Variants in TTC39B observed in about 807,000 individuals in gnomAD.
The protein encoded by TTC39B is tetratricopeptide repeat protein 39B.
Under a neutral mutation model 96.6 loss-of-function variants are expected in TTC39B, and 92 were observed. The observed-to-expected ratio is 0.95, with a 90% CI of 0.80 to 1.13. TTC39B has a LOEUF of 1.13. Among genes scored for constraint, TTC39B ranks in the 50% most tolerant of loss-of-function variants. The probability of loss-of-function intolerance (pLI) is 0.00; values close to 1 mark genes in which losing one functional copy is unlikely to be tolerated. For synonymous variants in TTC39B, 367 were observed against 299.4 expected, an observed-to-expected ratio of 1.23 and a Z score of -2.33; for missense variants, 955 against 809.3, an observed-to-expected ratio of 1.18 and a Z score of -2.18.
At chr9:15,298,783 G>C (rs1240745550) in intron 1 of TTC39B, among the ~76,000 whole-genome samples, 1 of 152,018 alleles carries the variant, frequency 6.6e-6, no homozygotes, top group South Asian at 2.1e-4. Context: ...CATTTCTCTG[G>C]AGAACTAACA....
intron 2 of TTC39B, among the ~76,000 whole-genome samples, chr9:15,245,541 G>T (rs1204558411): frequency 6.6e-6 from 1 of 152,094 alleles, no homozygotes; most frequent in African/African-American, 2.4e-5. Flanking sequence ...ATATTAAGGA[G>T]GGGTGATGGC....
chr9:15,212,681 C>A (rs1000597437), intron 4 of TTC39B, among the ~76,000 whole-genome samples: 3 of 152,204 alleles, frequency 2.0e-5, no homozygotes, highest in African/African-American at 7.2e-5. Flanking sequence ...TCTGCCTCGG[C>A]CTCCCAAAGT....
At chr9:15,290,938 T>G (rs1217457178) in intron 1 of TTC39B, among the ~76,000 whole-genome samples, 2 of 152,204 alleles carry the variant, frequency 1.3e-5, no homozygotes, top group African/African-American at 4.8e-5. Flanking sequence ...TCTCAGACAT[T>G]TTTTGGGTTA....
At chr9:15,239,383 G>A (rs1821933176) in intron 2 of TTC39B, among the ~76,000 whole-genome samples, 2 of 152,164 alleles carry the variant, frequency 1.3e-5, no homozygotes, top group African/African-American at 4.8e-5. Context: ...TAAAAATAGT[G>A]CTACCATTTG....
At position 15,214,250 on chromosome 9, in the gene TTC39B, C is replaced by T. The variant is rs776363688; in HGVS notation, c.372-1G>A. On this transcript the variant is annotated splice_acceptor_variant, in intron 3 of 19. Coordinates refer to ENST00000512701, the Ensembl canonical transcript of TTC39B. LOFTEE classifies it high-confidence loss of function. ...GAGATCCACCTTGGTTGATGATGAA[C>T]TAAAGATCAAGAAAAAAGCACAGAG... 7.5e-6 allele frequency: 12 copies of T among 1,609,940 alleles called. No homozygotes were observed. Among genetic ancestry groups the T allele is most frequent in the Non-Finnish European group, 1.0e-5 (12 of 1,177,464 alleles).
intron 1 of TTC39B, among the ~76,000 whole-genome samples, chr9:15,270,839 A>G (rs894377267): frequency 6.6e-6 from 1 of 152,152 alleles, no homozygotes; most frequent in Non-Finnish European, 1.5e-5. Context: ...TAAATAAAGC[A>G]TATGTGGTCT....
intron 1 of TTC39B, among the ~76,000 whole-genome samples, chr9:15,298,794 A>C (rs1450497547): frequency 6.6e-6 from 1 of 152,012 alleles, no homozygotes; most frequent in African/African-American, 2.4e-5. Context: ...AGAACTAACA[A>C]AGTACCCTTC....
intron 8 of TTC39B, 116 bp downstream of exon 8, chr9:15,199,734 CAAAAAAAAAAA>C (rs35361396): frequency 0.017 from 1,230 of 70,466 alleles, 8 homozygotes; most frequent in African/African-American, 0.14. Context: ...GACTCCGTCT[CAAAAAAAAAAA>C]AAAAAAAAAA....
chr9:15,242,829 T>C (rs930430440), intron 2 of TTC39B, among the ~76,000 whole-genome samples: 2 of 152,220 alleles, frequency 1.3e-5, no homozygotes, highest in African/African-American at 2.4e-5. Flanking sequence ...TCTTGCACTT[T>C]TTCTGTAAGT....
intron 1 of TTC39B, 147 bp from the exon 2 acceptor site, chr9:15,268,095 T>C (rs893049610): frequency 1.7e-6 from 1 of 600,088 alleles, no homozygotes; most frequent in Non-Finnish European, 2.8e-6. Context: ...AACTTAACGC[T>C]TATGGAATTC....
At chr9:15,289,135 C>T (rs1824087053) in intron 1 of TTC39B, among the ~76,000 whole-genome samples, 1 of 152,194 alleles carries the variant, frequency 6.6e-6, no homozygotes, top group Non-Finnish European at 1.5e-5. Context: ...GCTCAAAGTG[C>T]CTTGCCCTTG....
intron 1 of TTC39B, among the ~76,000 whole-genome samples, chr9:15,290,799 C>G (rs1824158787): frequency 6.6e-6 from 1 of 152,200 alleles, no homozygotes; most frequent in African/African-American, 2.4e-5. Context: ...CTGCCACTCT[C>G]CCCTTTAAAT....
At chr9:15,173,415 G>C (rs1817764594) in intron 19 of TTC39B, among the ~76,000 whole-genome samples, 1 of 152,206 alleles carries the variant, frequency 6.6e-6, no homozygotes, top group East Asian at 1.9e-4. Flanking sequence ...TAAAGTAGCG[G>C]ACTCCATTTT....
intron 3 of TTC39B, among the ~76,000 whole-genome samples, chr9:15,221,296 C>A (rs904197037): frequency 1.3e-5 from 2 of 152,186 alleles, no homozygotes; most frequent in Non-Finnish European, 2.9e-5. Flanking sequence ...TCCCTCCCAC[C>A]ACTGACATGT....
chr9:15,200,023 C>A, intron 7 of TTC39B, 98 bp from the exon 8 acceptor site: 2 of 610,456 alleles, frequency 3.3e-6, no homozygotes, highest in Non-Finnish European at 2.7e-6. Context: ...CAAAAACAAA[C>A]AAACAAAAAA....
chr9:15,281,625 CAAAAAAAAA>C (rs1161175672), intron 1 of TTC39B, among the ~76,000 whole-genome samples: 4 of 49,008 alleles, frequency 8.2e-5, no homozygotes, highest in African/African-American at 1.9e-4. Context: ...CCTGCAACAG[CAAAAAAAAA>C]AAAAAAAAAA....
rs532045853 is a variant in TTC39B, at chr9:15,176,789, C to T, written c.1841+908G>A. Among the ~76,000 whole-genome samples, 218 of 152,208 alleles carry T rather than the reference C, an allele frequency of 1.4e-3. 1 individual carries two copies. The highest frequency in any genetic ancestry group is 5.1e-3 in the African/African-American group (211 of 41,530). Reference sequence around the variant, plus strand: ...ACCTATAGAGCCTACCAATCCTATTCCTGCCACCACTCAGCCGGCCTTATT... The same window carrying T: ...ACCTATAGAGCCTACCAATCCTATTTCTGCCACCACTCAGCCGGCCTTATT... On this transcript the variant is annotated intron_variant, in intron 18 of 19. Coordinates refer to ENST00000512701, the Ensembl canonical transcript of TTC39B.
At chr9:15,227,308 CA>C (rs199578209) in intron 2 of TTC39B, among the ~76,000 whole-genome samples, 13,277 of 123,164 alleles carry the variant, frequency 0.11, 1,249 homozygotes, top group East Asian at 0.6. Context: ...AACTCCATCT[CA>C]AAAAAAAAAA....
Position 15,267,965 on chromosome 9 carries a change from A to T in TTC39B, c.241-17T>A. Reference sequence around the variant, plus strand: ...GAAAACGTCCTGGGGGAAATAAAAAATACAATGAGTTTCTCAAGAATTCTC... The same window carrying T: ...GAAAACGTCCTGGGGGAAATAAAAATTACAATGAGTTTCTCAAGAATTCTC... On this transcript the variant is annotated splice_polypyrimidine_tract_variant and intron_variant, in intron 1 of 19. Transcript: ENST00000512701. The T allele has an allele frequency of 2.5e-6, 4 of 1,608,678 alleles. No individual in the cohort carries two copies. In the Middle Eastern group the frequency reaches 5.0e-4, roughly 199 times the overall value.
Sources: allele counts gnomAD v4.1 joint callset (sites outside exome capture counted in the v4.1 genomes callset), GRCh38; gene constraint gnomAD v4.1.1; transcripts MANE v1.5; gene names NCBI Gene and HGNC (gene_info 2026-07-23, HGNC 2026-07-21).